Variants in EPHB1 observed in about 807,000 individuals in gnomAD.
EPHB1 encodes ephrin type-B receptor 1.
Under a neutral mutation model 94.4 loss-of-function variants are expected in EPHB1, and 30 were observed. That is an observed-to-expected ratio of 0.32 (90% CI 0.24 to 0.43). The LOEUF (loss-of-function observed/expected upper bound fraction) is 0.43, where lower values mean the gene tolerates loss of function less well. EPHB1 is among the 20% of genes least tolerant of loss of function. EPHB1 has a pLI of 1.00. For synonymous variants in EPHB1, 522 were observed against 489.1 expected (o/e 1.07, Z -0.89); for missense variants, 1,055 against 1,308.3 (o/e 0.81, Z 2.99).
chr3:134,921,921 C>T (rs925173209), intron 1 of EPHB1, among the ~76,000 whole-genome samples: 4 of 152,242 alleles, frequency 2.6e-5, no homozygotes, highest in Admixed American at 1.3e-4. Context: ...TTGTATGACA[C>T]GAGCAAGGTC....
chr3:135,089,444 A>G (rs1938478933), intron 3 of EPHB1, among the ~76,000 whole-genome samples: 1 of 152,262 alleles, frequency 6.6e-6, no homozygotes, highest in African/African-American at 2.4e-5. Context: ...TAATAAAACA[A>G]TTGTTATTAA....
At chr3:134,966,267 A>C (rs1933741573) in intron 3 of EPHB1, among the ~76,000 whole-genome samples, 1 of 152,226 alleles carries the variant, frequency 6.6e-6, no homozygotes, top group Admixed American at 6.5e-5. Flanking sequence ...GCCCCCGTGC[A>C]AATCAGCTGG....
At chr3:135,119,852 T>C (rs1296034695) in intron 4 of EPHB1, among the ~76,000 whole-genome samples, 1 of 152,246 alleles carries the variant, frequency 6.6e-6, no homozygotes, top group Non-Finnish European at 1.5e-5. Context: ...TATTCTTTTT[T>C]ATCTTATTAA....
Position 135,101,582 on chromosome 3 carries a change from A to G in EPHB1, c.806-4866A>G, listed in dbSNP as rs183051713. On this transcript the variant is annotated intron_variant, in intron 3 of 15. Coordinates refer to ENST00000398015, the MANE Select transcript of EPHB1 (RefSeq NM_004441.5). Reference sequence around the variant, plus strand: ...TTTTTAGTAGAGACAGGGTTTCACCATGTTGGCCAGGCTGGTCTCAAACTT... The same window carrying G: ...TTTTTAGTAGAGACAGGGTTTCACCGTGTTGGCCAGGCTGGTCTCAAACTT... Among the ~76,000 whole-genome samples, 908 of 151,378 alleles carry G rather than the reference A, an allele frequency of 6.0e-3. 5 individuals carry two copies. The highest frequency in any genetic ancestry group is 8.8e-3 in the Non-Finnish European group (600 of 67,850).
intron 1 of EPHB1, among the ~76,000 whole-genome samples, chr3:134,872,668 T>C (rs2037526199): frequency 6.6e-6 from 1 of 152,230 alleles, no homozygotes; most frequent in Non-Finnish European, 1.5e-5. Flanking sequence ...ACATGAGTGA[T>C]CATGTCACTC....
At chr3:135,165,552 C>G (rs1941628732) in intron 7 of EPHB1, among the ~76,000 whole-genome samples, 1 of 152,240 alleles carries the variant, frequency 6.6e-6, no homozygotes. Flanking sequence ...CTCAATGAAT[C>G]TATTGACTCT....
chr3:135,001,861 T>A (rs1300457968), intron 3 of EPHB1, among the ~76,000 whole-genome samples: 1 of 152,250 alleles, frequency 6.6e-6, no homozygotes, highest in Non-Finnish European at 1.5e-5. Flanking sequence ...ATAACTTATT[T>A]AACTAGTCTC....
At chr3:135,146,452 A>G (rs1447087917) in intron 5 of EPHB1, among the ~76,000 whole-genome samples, 1 of 152,240 alleles carries the variant, frequency 6.6e-6, no homozygotes, top group South Asian at 2.1e-4. Context: ...AGGCAGTGGC[A>G]GGGCCATGGG....
At chr3:134,937,606 G>A (rs2039029042) in intron 2 of EPHB1, among the ~76,000 whole-genome samples, 1 of 152,246 alleles carries the variant, frequency 6.6e-6, no homozygotes, top group Non-Finnish European at 1.5e-5. Flanking sequence ...CTTGAGGCTG[G>A]CCTCTGCTAT....
intron 14 of EPHB1, 67 bp from the exon 15 acceptor site, chr3:135,249,269 G>T (rs943431295): frequency 1.1e-5 from 17 of 1,526,880 alleles, no homozygotes; most frequent in Middle Eastern, 2.1e-4. Context: ...CAGCTGTCAG[G>T]CCAGACTGGG....
intron 4 of EPHB1, among the ~76,000 whole-genome samples, chr3:135,122,998 C>G (rs541498235): frequency 2.2e-4 from 34 of 152,226 alleles, no homozygotes; most frequent in African/African-American, 8.2e-4. Context: ...CTCAGGGAAG[C>G]TGCTGAGATG....
intron 15 of EPHB1, among the ~76,000 whole-genome samples, chr3:135,258,584 G>A (rs1169476471): frequency 3.3e-5 from 5 of 152,090 alleles, no homozygotes; most frequent in Non-Finnish European, 7.4e-5. Flanking sequence ...CAGAAGACCA[G>A]GTGAGCCCCA....
chr3:135,095,056 C>G (rs752856459), intron 3 of EPHB1, among the ~76,000 whole-genome samples: 1 of 152,304 alleles, frequency 6.6e-6, no homozygotes, highest in East Asian at 1.9e-4. Context: ...CAGTCCTAGT[C>G]TCTGAGTGAG....
At chr3:135,257,944 G>A (rs1933480920) in intron 15 of EPHB1, among the ~76,000 whole-genome samples, 1 of 152,166 alleles carries the variant, frequency 6.6e-6, no homozygotes, top group Admixed American at 6.5e-5. Flanking sequence ...TGTCGGAAAA[G>A]TGCAGTATTC....
At chr3:134,883,862 G>A (rs2037810517) in intron 1 of EPHB1, among the ~76,000 whole-genome samples, 1 of 152,188 alleles carries the variant, frequency 6.6e-6, no homozygotes. Context: ...GTCAGGGTGA[G>A]CACTCTTAGG....
chr3:134,967,381 G>T (rs1042616491), intron 3 of EPHB1, among the ~76,000 whole-genome samples: 2 of 152,122 alleles, frequency 1.3e-5, no homozygotes, highest in South Asian at 4.2e-4. Context: ...TTTGAAACTT[G>T]GTCCTCAATG....
At chr3:134,908,411 G>A (rs563595689) in intron 1 of EPHB1, among the ~76,000 whole-genome samples, 4 of 152,316 alleles carry the variant, frequency 2.6e-5, no homozygotes, top group South Asian at 4.1e-4. Context: ...CAGAGGCCCT[G>A]TGCCCCCATA....
intron 1 of EPHB1, among the ~76,000 whole-genome samples, chr3:134,799,220 C>T (rs905271211): frequency 6.6e-6 from 1 of 152,152 alleles, no homozygotes; most frequent in African/African-American, 2.4e-5. Context: ...TGGTGGAAAA[C>T]CCCAAACTAA....
intron 1 of EPHB1, among the ~76,000 whole-genome samples, chr3:134,822,033 TC>T (rs905062996): frequency 6.6e-6 from 1 of 152,096 alleles, no homozygotes; most frequent in African/African-American, 2.4e-5. Flanking sequence ...GGAAGGGAGC[TC>T]CCCATAAGTC....
Sources: allele counts gnomAD v4.1 joint callset (sites outside exome capture counted in the v4.1 genomes callset), GRCh38; gene constraint gnomAD v4.1.1; transcripts MANE v1.5; gene names NCBI Gene and HGNC (gene_info 2026-07-23, HGNC 2026-07-21).